The following ASTN2 variants were observed in gnomAD, a reference collection of about 807,000 sequenced individuals.
ASTN2 encodes the protein astrotactin-2.
A neutral mutation model predicts 139.8 loss-of-function variants in ASTN2; 54 were observed. That is an observed-to-expected ratio of 0.39 (90% CI 0.31 to 0.48). The LOEUF (loss-of-function observed/expected upper bound fraction) is 0.48. Ranked by LOEUF, ASTN2 falls within the 20% of genes least tolerant of loss-of-function variation. The pLI is 0.95. For missense variants in ASTN2, 1,565 were observed against 1,725.1 expected, an observed-to-expected ratio of 0.91 and a Z score of 1.64; for synonymous variants, 756 against 719.5, an observed-to-expected ratio of 1.05 and a Z score of -0.81.
At chr9:116,542,422 A>G (rs1851912710) in intron 19 of ASTN2, among the ~76,000 whole-genome samples, 1 of 152,212 alleles carries the variant, frequency 6.6e-6, no homozygotes, top group African/African-American at 2.4e-5. Context: ...TTAAAATCAG[A>G]TCAGTTCAAG....
intron 19 of ASTN2, among the ~76,000 whole-genome samples, chr9:116,502,726 GGAAGGAAT>G (rs1423377423): frequency 2.7e-3 from 92 of 33,724 alleles, no homozygotes; most frequent in South Asian, 5.2e-3. Context: ...AAGGAAGGAA[GGAAGGAAT>G]GAATGAATGA....
intron 5 of ASTN2, among the ~76,000 whole-genome samples, chr9:117,089,492 ACT>A (rs1415306547): frequency 6.7e-6 from 1 of 149,516 alleles, no homozygotes. Flanking sequence ...TGACAAATAG[ACT>A]CTTTTATTTA....
intron 1 of ASTN2, among the ~76,000 whole-genome samples, chr9:117,338,506 T>A (rs1206311808): frequency 6.6e-6 from 1 of 152,144 alleles, no homozygotes; most frequent in Non-Finnish European, 1.5e-5. Flanking sequence ...TGGGCACACA[T>A]AAGAAAAGGT....
chr9:116,472,986 C>T lies in ASTN2; in HGVS notation c.3497+14373G>A, dbSNP rs145607060. Reference sequence around the variant, plus strand: ...CATTTACTAATAAGATGACCTTGGGCAAACCATTAAGCCTTCCCATCTTAG... The same window carrying T: ...CATTTACTAATAAGATGACCTTGGGTAAACCATTAAGCCTTCCCATCTTAG... On this transcript the variant is annotated intron_variant, in intron 20 of 22. Transcript: ENST00000313400. Among the ~76,000 whole-genome samples, 52 of 151,176 alleles carry T rather than the reference C, an allele frequency of 3.4e-4. 2 individuals carry two copies. In the East Asian group the frequency reaches 9.3e-3, roughly 27 times the overall value.
At chr9:117,376,473 G>A (rs1000154406) in intron 1 of ASTN2, among the ~76,000 whole-genome samples, 4 of 152,166 alleles carry the variant, frequency 2.6e-5, no homozygotes, top group African/African-American at 9.7e-5. Flanking sequence ...GATTCTCTGG[G>A]TTGATGGGAG....
intron 1 of ASTN2, among the ~76,000 whole-genome samples, chr9:117,352,886 C>G (rs1173634301): frequency 6.6e-6 from 1 of 152,106 alleles, no homozygotes; most frequent in Non-Finnish European, 1.5e-5. Flanking sequence ...CTTTAAGACA[C>G]TAGGCTAAGT....
intron 10 of ASTN2, among the ~76,000 whole-genome samples, chr9:116,912,985 C>T (rs1834357456): frequency 6.6e-6 from 1 of 150,424 alleles, no homozygotes; most frequent in Non-Finnish European, 1.5e-5. Context: ...CTCACGGCAA[C>T]CTCTGCCTCC....
chr9:116,991,570 T>G (rs1220245428), intron 7 of ASTN2, among the ~76,000 whole-genome samples: 1 of 143,840 alleles, frequency 7.0e-6, no homozygotes, highest in East Asian at 2.1e-4. Context: ...CAAAGGTGAA[T>G]ACTTCTCCCT....
Position 117,320,508 on chromosome 9 carries a change from C to T in ASTN2, c.443-28995G>A, listed in dbSNP as rs536461189. On this transcript the variant is annotated intron_variant, in intron 1 of 22. Transcript: ENST00000313400. The stretch of plus-strand genomic sequence containing the variant: ...GGTAAGGATTACTATACTGTCACAA[C>T]CTATGAGGAAATAGGTTCAGAGAGG... Among the ~76,000 whole-genome samples, 12 of 152,204 alleles carry T rather than the reference C, an allele frequency of 7.9e-5. No homozygotes were observed. The South Asian group carries it at 1.9e-3, about 24-fold the overall frequency.
chr9:117,115,666 C>T (rs993424177), intron 4 of ASTN2, among the ~76,000 whole-genome samples: 1 of 152,084 alleles, frequency 6.6e-6, no homozygotes, highest in African/African-American at 2.4e-5. Flanking sequence ...GTTTACTCAA[C>T]ACGTTGTTTG....
intron 5 of ASTN2, among the ~76,000 whole-genome samples, chr9:117,076,989 TTTTAA>T (rs1231406109): frequency 4.6e-5 from 7 of 152,206 alleles, no homozygotes; most frequent in African/African-American, 1.7e-4. Flanking sequence ...GAAGCAGCAC[TTTTAA>T]TTTAATTTTG....
chr9:116,470,741 G>A (rs1268706967), intron 20 of ASTN2, among the ~76,000 whole-genome samples: 1 of 152,178 alleles, frequency 6.6e-6, no homozygotes, highest in Non-Finnish European at 1.5e-5. Flanking sequence ...GAGTGAAGAT[G>A]AATAAGGGAA....
chr9:116,699,348 A>AAT lies in ASTN2; in HGVS notation c.2806+26421_2806+26422dup. 2 of 1,614,188 alleles carry AAT rather than the reference A, an allele frequency of 1.2e-6. No homozygotes were observed. Among genetic ancestry groups the AAT allele is most frequent in the Non-Finnish European group, 1.7e-6 (2 of 1,180,038 alleles). On this transcript the variant is annotated intron_variant, in intron 16 of 22. Coordinates refer to ENST00000313400, the MANE Select transcript of ASTN2 (RefSeq NM_001365068.1). The surrounding 1 kb of genome is among the most constrained non-coding windows in gnomAD (Gnocchi z 4.2). ...CTACTTCACCCAGGGCTTAGGCCTC[A>AAT]ATCTGGAGAATCGGCAGAATGAGCA...
At chr9:116,885,457 A>C (rs1588383735) in intron 10 of ASTN2, among the ~76,000 whole-genome samples, 1 of 152,104 alleles carries the variant, frequency 6.6e-6, no homozygotes, top group Non-Finnish European at 1.5e-5. Context: ...CCTGAGGTCA[A>C]GAGTTGGAGG....
intron 6 of ASTN2, among the ~76,000 whole-genome samples, chr9:117,018,741 T>C (rs1335171116): frequency 6.6e-6 from 1 of 152,162 alleles, no homozygotes; most frequent in Non-Finnish European, 1.5e-5. Context: ...AGCACTTATC[T>C]TGCAGTATTT....
chr9:116,916,101 C>A (rs754264671), intron 10 of ASTN2, among the ~76,000 whole-genome samples: 2 of 152,174 alleles, frequency 1.3e-5, no homozygotes, highest in Non-Finnish European at 2.9e-5. Flanking sequence ...GTGGGGAAAA[C>A]AATCCCTACA....
chr9:116,928,535 C>T (rs1007024229), intron 10 of ASTN2, among the ~76,000 whole-genome samples: 10 of 152,112 alleles, frequency 6.6e-5, no homozygotes, highest in South Asian at 2.1e-4. Flanking sequence ...AAGCCTACCA[C>T]GTGCAAGGGA....
intron 4 of ASTN2, among the ~76,000 whole-genome samples, chr9:117,127,823 C>T (rs1029523653): frequency 5.3e-5 from 8 of 151,504 alleles, no homozygotes; most frequent in Non-Finnish European, 5.9e-5. Flanking sequence ...TGGGACTACA[C>T]GTGCCCGCCA....
chr9:117,294,361 A>G (rs771577472), intron 1 of ASTN2, among the ~76,000 whole-genome samples: 1 of 152,274 alleles, frequency 6.6e-6, no homozygotes, highest in Non-Finnish European at 1.5e-5. Flanking sequence ...TGAATCACAG[A>G]GAATAACTCC....
Sources: allele counts gnomAD v4.1 joint callset (sites outside exome capture counted in the v4.1 genomes callset), GRCh38; gene constraint gnomAD v4.1.1; non-coding constraint Gnocchi (gnomAD v3.1); transcripts MANE v1.5; gene names NCBI Gene and HGNC (gene_info 2026-07-23, HGNC 2026-07-21).